Variants in THUMPD2 observed in about 807,000 individuals in gnomAD.
The protein encoded by THUMPD2 is THUMP domain 2 tRNA and snRNA guanosine methyltransferase, also known as U6 snRNA (guanine-N(2))-methyltransferase THUMPD2.
A neutral mutation model predicts 49.4 loss-of-function variants in THUMPD2; 56 were observed. That is an observed-to-expected ratio of 1.13 (90% CI 0.91 to 1.41). The LOEUF is 1.41. Among genes scored for constraint, THUMPD2 ranks in the 40% most tolerant of loss-of-function variants. The pLI is 0.00. For missense variants in THUMPD2, 709 were observed against 594.5 expected, an observed-to-expected ratio of 1.19 and a Z score of -2.00; for synonymous variants, 237 against 205.2, an observed-to-expected ratio of 1.15 and a Z score of -1.32.
chr2:39,749,221 A>C (rs1675053009), intron 8 of THUMPD2, among the ~76,000 whole-genome samples: 1 of 152,206 alleles, frequency 6.6e-6, no homozygotes, highest in African/African-American at 2.4e-5. Context: ...TAGCATTCAC[A>C]AAGAAGTTGC....
In THUMPD2 at chr2:39,737,066, C is replaced by CCA; in HGVS notation, c.1188-8_1188-7insTG. On this transcript the variant is annotated splice_polypyrimidine_tract_variant and splice_region_variant and intron_variant, in intron 9 of 9. Coordinates refer to ENST00000505747, the MANE Select transcript of THUMPD2 (RefSeq NM_025264.5). ...TCCGCCAACATGAAGCACTCTGTGA[C>CCA]AAAAAAAAAATGGTAATTGCTATCT... The CCA allele has an allele frequency of 4.4e-6, 6 of 1,368,472 alleles. No homozygotes were observed. The highest frequency in any genetic ancestry group is 5.9e-6 in the Non-Finnish European group (6 of 1,016,064). 84.8% of individuals were successfully genotyped at this position (1,368,472 alleles called of 1,614,324 possible).
chr2:39,768,546 T>G, intron 3 of THUMPD2, 45 bp from the exon 4 acceptor site: 1 of 1,522,848 alleles, frequency 6.6e-7, no homozygotes, highest in Non-Finnish European at 9.0e-7. Flanking sequence ...AAAATGAAAA[T>G]TTTAAGTTTA....
intron 2 of THUMPD2, among the ~76,000 whole-genome samples, chr2:39,770,980 T>G (rs1208059196): frequency 6.6e-6 from 1 of 152,140 alleles, no homozygotes; most frequent in African/African-American, 2.4e-5. Flanking sequence ...AGCATATTTA[T>G]AAAATTTAGA....
intron 8 of THUMPD2, among the ~76,000 whole-genome samples, chr2:39,751,452 A>G (rs1675385828): frequency 6.6e-6 from 1 of 152,220 alleles, no homozygotes; most frequent in African/African-American, 2.4e-5. Context: ...CCTTTTAGCT[A>G]TAATTTTGCC....
chr2:39,777,594 A>T (rs920963010), intron 1 of THUMPD2, among the ~76,000 whole-genome samples: 1 of 152,206 alleles, frequency 6.6e-6, no homozygotes, highest in Non-Finnish European at 1.5e-5. Flanking sequence ...CATCACTGTT[A>T]TTTCAGGATT....
intron 8 of THUMPD2, among the ~76,000 whole-genome samples, chr2:39,746,045 T>C (rs545311659): frequency 3.3e-5 from 5 of 152,324 alleles, no homozygotes; most frequent in African/African-American, 7.2e-5. Flanking sequence ...AAGAGGTTAA[T>C]ATATGGAAGA....
In THUMPD2 at chr2:39,755,923, C is replaced by T. The variant is rs750867435; in HGVS notation, c.929G>A (p.Gly310Glu). The T allele has an allele frequency of 6.2e-7, 1 of 1,613,678 alleles. No individual in the cohort carries two copies. Among genetic ancestry groups the T allele is most frequent in the Admixed American group, 1.7e-5 (1 of 59,970 alleles). ...TTTAGCAGCTTCCAAAAGTATTGTT[C>T]CAAGTCCACACATTGGATCTAAAAC... is the stretch of plus-strand genomic sequence containing the variant. ...AFVLDPMCGL[G>E]TILLEAAKEW... Residue 310 changes from glycine to glutamate, a missense_variant, in exon 7 of 10, where the codon GGA becomes GAA. Coordinates refer to ENST00000505747, the MANE Select transcript of THUMPD2 (RefSeq NM_025264.5).
At chr2:39,773,914 A>G (rs1437167371) in intron 1 of THUMPD2, among the ~76,000 whole-genome samples, 1 of 152,220 alleles carries the variant, frequency 6.6e-6, no homozygotes, top group East Asian at 1.9e-4. Context: ...AGGTCCTTGA[A>G]TAACACTGTT....
intron 5 of THUMPD2, among the ~76,000 whole-genome samples, chr2:39,764,922 T>C (rs1677304207): frequency 2.0e-5 from 3 of 152,242 alleles, no homozygotes; most frequent in Admixed American, 2.0e-4. Flanking sequence ...AGGTACACTA[T>C]CAATTATTAT....
rs1678113802 is a variant in THUMPD2, at chr2:39,770,111, A to C, written c.271T>G (p.Phe91Val). 1 of 1,477,952 alleles carries C rather than the reference A, an allele frequency of 6.8e-7. No homozygotes were observed. Among genetic ancestry groups the C allele is most frequent in the Non-Finnish European group, 8.9e-7 (1 of 1,122,830 alleles). 91.6% of individuals were successfully genotyped at this position (1,477,952 alleles called of 1,614,324 possible). ...IISSVSKGKI[F>V]NEMQRLINED... is the part of the protein sequence containing the mutation. Reference sequence around the variant, plus strand: ...TTTATAAGTCTTTGCATTTCATTAAATATTTTTCCTAAATAAGAAAAATCT... The same window carrying C: ...TTTATAAGTCTTTGCATTTCATTAACTATTTTTCCTAAATAAGAAAAATCT... The change falls in exon 3 of 10, where the codon TTT becomes GTT. Residue 91 changes from phenylalanine to valine, a missense_variant. Physicochemically the swap from Phe to Val is conservative, Grantham distance 50 (BLOSUM62 -1). Transcript: ENST00000505747.
At chr2:39,755,221 T>G in intron 8 of THUMPD2, 74 bp downstream of exon 8, 1 of 1,037,598 alleles carries the variant, frequency 9.6e-7, no homozygotes, top group Non-Finnish European at 1.4e-6. Flanking sequence ...ATAGTGAGAC[T>G]TGTTTTATAT....
chr2:39,779,151 A>G lies in THUMPD2; in HGVS notation c.89T>C (p.Val30Ala). ...CAGCCGCGCCCGCACCTCTCGCATTACGAACGGCTCCAGGCCGCGACCCGC... is the reference window on the plus strand; with the variant it reads ...CAGCCGCGCCCGCACCTCTCGCATTGCGAACGGCTCCAGGCCGCGACCCGC... ...CTAGRGLEPF[V>A]MREVRARLAA... The change falls in exon 1 of 10, where the codon GTA becomes GCA. Residue 30 changes from valine (V) to alanine (A), a missense_variant. Transcript: ENST00000505747. 1 of 1,519,806 alleles carries G rather than the reference A, an allele frequency of 6.6e-7. No individual in the cohort carries two copies. The highest frequency in any genetic ancestry group is 8.8e-7 in the Non-Finnish European group (1 of 1,139,514). 94.1% of individuals were successfully genotyped at this position (1,519,806 alleles called of 1,614,324 possible). A position where few individuals can be genotyped will look rare whatever the true frequency, so the allele number is the denominator to read the frequency against.
At chr2:39,756,093 G>A in intron 6 of THUMPD2, 133 bp from the exon 7 acceptor site, 1 of 772,592 alleles carries the variant, frequency 1.3e-6, no homozygotes. Flanking sequence ...TGAAGGGACA[G>A]ATGGGTTCAG....
chr2:39,736,791 C>G lies in THUMPD2; in HGVS notation c.1456G>C (p.Gly486Arg), dbSNP rs764194130. ...TTACATATGAACGCATCTGTCTTTC[C>G]AAGGCTAACTTTGTAGCATTCCACT... ...VPVECYKVSL[G>R]KTDAFICKYK... The change falls in exon 10 of 10, where the codon GGA (glycine) becomes CGA (arginine). Residue 486 changes from glycine to arginine, a missense_variant. Transcript: ENST00000505747. The G allele has an allele frequency of 6.2e-7, 1 of 1,614,102 alleles. No homozygotes were observed. The highest frequency in any genetic ancestry group is 1.1e-5 in the South Asian group (1 of 91,072).
chr2:39,766,840 G>T (rs572100329), intron 4 of THUMPD2, among the ~76,000 whole-genome samples: 2 of 152,210 alleles, frequency 1.3e-5, no homozygotes, highest in Admixed American at 6.5e-5. Flanking sequence ...ATCAAGAAAA[G>T]ACTTACCTGG....
At chr2:39,775,427 G>A (rs890180815) in intron 1 of THUMPD2, among the ~76,000 whole-genome samples, 31 of 152,026 alleles carry the variant, frequency 2.0e-4, no homozygotes, top group African/African-American at 7.3e-4. Flanking sequence ...AGTTTGTTTT[G>A]GTTTATTTTA....
At chr2:39,749,313 TTATC>T (rs1207852081) in intron 8 of THUMPD2, among the ~76,000 whole-genome samples, 12 of 152,204 alleles carry the variant, frequency 7.9e-5, no homozygotes, top group African/African-American at 2.9e-4. Context: ...ACTTAACTGA[TTATC>T]TTTCTAAATT....
At chr2:39,770,792 C>T (rs1017898920) in intron 2 of THUMPD2, among the ~76,000 whole-genome samples, 2 of 152,082 alleles carry the variant, frequency 1.3e-5, no homozygotes, top group African/African-American at 4.8e-5. Flanking sequence ...TGCTTTAAAA[C>T]AATTTTCTCT....
At chr2:39,765,945 C>A in intron 5 of THUMPD2, 112 bp downstream of exon 5, 1 of 830,450 alleles carries the variant, frequency 1.2e-6, no homozygotes. Flanking sequence ...AAATGCTTTG[C>A]CTTTAGCCTT....
Sources: gnomAD v4.1 joint callset for allele counts (sites outside exome capture counted in the v4.1 genomes callset) on GRCh38, gnomAD v4.1.1 for gene constraint, MANE v1.5 for transcripts, NCBI Gene and HGNC (gene_info 2026-07-23, HGNC 2026-07-21) for gene names.